KCNH5: variants seen among roughly 807,000 people sequenced by gnomAD.
KCNH5 encodes voltage-gated delayed rectifier potassium channel KCNH5.
Under a neutral mutation model 96.1 loss-of-function variants are expected in KCNH5, and 46 were observed. The ratio of observed to expected loss-of-function variants is 0.48; its 90% CI spans 0.38 to 0.61. KCNH5 has a LOEUF of 0.61. KCNH5 is among the 20% of genes least tolerant of loss of function. The pLI, the probability that KCNH5 is intolerant of heterozygous loss-of-function variation, is 0.00. For missense variants in KCNH5, 907 were observed against 1,225.8 expected (o/e 0.74, Z 3.88); for synonymous variants, 439 against 449.8 (o/e 0.98, Z 0.30).
chr14:62,914,217 C>T (rs923199000), intron 7 of KCNH5, among the ~76,000 whole-genome samples: 14 of 152,164 alleles, frequency 9.2e-5, no homozygotes, highest in African/African-American at 3.1e-4. Context: ...CTGAGTTACT[C>T]GTGGTGAGTC....
chr14:62,835,322 CA>C (rs1377572252), intron 8 of KCNH5, among the ~76,000 whole-genome samples: 1 of 151,870 alleles, frequency 6.6e-6, no homozygotes, highest in African/African-American at 2.4e-5. Flanking sequence ...AAAGTCATTA[CA>C]AATACAAACA....
chr14:63,013,926 A>G (rs1428411855), intron 2 of KCNH5, among the ~76,000 whole-genome samples: 3 of 152,166 alleles, frequency 2.0e-5, no homozygotes, highest in Non-Finnish European at 4.4e-5. Context: ...TTAAAAGAGA[A>G]TAAGGAAGTT....
At chr14:62,958,759 T>C (rs1890153474) in intron 6 of KCNH5, among the ~76,000 whole-genome samples, 1 of 152,160 alleles carries the variant, frequency 6.6e-6, no homozygotes. Flanking sequence ...CACAACTGTA[T>C]TATGAACTGC....
chr14:63,021,873 C>T (rs1481944331), intron 1 of KCNH5, among the ~76,000 whole-genome samples: 1 of 152,154 alleles, frequency 6.6e-6, no homozygotes, highest in Non-Finnish European at 1.5e-5. Context: ...AGTTTTTTTG[C>T]AGGCTCACCA....
At chr14:62,799,691 TTA>T (rs71410693) in intron 9 of KCNH5, among the ~76,000 whole-genome samples, 11,116 of 57,820 alleles carry the variant, frequency 0.19, 927 homozygotes, top group Admixed American at 0.24. Flanking sequence ...GTATATACCT[TTA>T]TATATATATA....
intron 7 of KCNH5, among the ~76,000 whole-genome samples, chr14:62,889,437 T>C (rs1027487222): frequency 2.0e-5 from 3 of 152,132 alleles, no homozygotes; most frequent in Non-Finnish European, 2.9e-5. Flanking sequence ...AAGAATATCA[T>C]GCATGACAAA....
intron 7 of KCNH5, among the ~76,000 whole-genome samples, chr14:62,933,174 G>A (rs1413957582): frequency 5.3e-5 from 8 of 152,100 alleles, no homozygotes; most frequent in African/African-American, 1.7e-4. Flanking sequence ...ACCGCCTAAT[G>A]TGAGCATGAT....
At chr14:62,986,675 T>A (rs1339549620) in intron 5 of KCNH5, among the ~76,000 whole-genome samples, 1 of 152,162 alleles carries the variant, frequency 6.6e-6, no homozygotes, top group African/African-American at 2.4e-5. Flanking sequence ...CATCTTATGA[T>A]CAGTTTCCTC....
At chr14:62,859,907 G>T (rs1888000132) in intron 7 of KCNH5, among the ~76,000 whole-genome samples, 1 of 152,196 alleles carries the variant, frequency 6.6e-6, no homozygotes, top group African/African-American at 2.4e-5. Context: ...GTGCAGGCTG[G>T]GGAAGAGAAG....
At chr14:62,803,865 T>C (rs558939930) in intron 8 of KCNH5, among the ~76,000 whole-genome samples, 2 of 152,334 alleles carry the variant, frequency 1.3e-5, no homozygotes, top group African/African-American at 4.8e-5. Flanking sequence ...GAAATGATTT[T>C]CTTTGATCGG....
At chr14:62,912,445 C>T (rs908726774) in intron 7 of KCNH5, among the ~76,000 whole-genome samples, 2 of 149,992 alleles carry the variant, frequency 1.3e-5, no homozygotes, top group South Asian at 2.1e-4. Context: ...TCGCTTTTTT[C>T]GCCCTGGATG....
chr14:62,875,861 T>G (rs2140071075), intron 7 of KCNH5, among the ~76,000 whole-genome samples: 1 of 151,842 alleles, frequency 6.6e-6, no homozygotes, highest in South Asian at 2.1e-4. Flanking sequence ...GTTGATTAGG[T>G]TTTATTGCCT....
intron 7 of KCNH5, among the ~76,000 whole-genome samples, chr14:62,914,368 G>A (rs1197437711): frequency 6.6e-6 from 1 of 152,122 alleles, no homozygotes; most frequent in East Asian, 1.9e-4. Context: ...TATCATCATA[G>A]AACTCCAATC....
At chr14:62,848,743 G>GT (rs1449681014) in intron 8 of KCNH5, among the ~76,000 whole-genome samples, 6 of 151,858 alleles carry the variant, frequency 4.0e-5, no homozygotes, top group Non-Finnish European at 7.4e-5. Context: ...AAGAAAAACC[G>GT]TAAGTCAACC....
At chr14:62,894,222 A>G (rs1888766538) in intron 7 of KCNH5, among the ~76,000 whole-genome samples, 1 of 152,232 alleles carries the variant, frequency 6.6e-6, no homozygotes. Flanking sequence ...GAGGTGGCCT[A>G]GAATTGAACC....
chr14:62,997,409 TTATC>T (rs1890926015), intron 4 of KCNH5, among the ~76,000 whole-genome samples: 1 of 152,174 alleles, frequency 6.6e-6, no homozygotes, highest in African/African-American at 2.4e-5. Context: ...CTGAGAGTTT[TTATC>T]ATGAACAAGT....
chr14:62,720,609 G>T (rs116912733), intron 10 of KCNH5, among the ~76,000 whole-genome samples: 3,321 of 152,218 alleles, frequency 0.022, 71 homozygotes, highest in Middle Eastern at 0.041. Context: ...GACTTTTTGA[G>T]TAGTTCAGGT....
chr14:63,032,847 C>T (rs1168881417), intron 1 of KCNH5, among the ~76,000 whole-genome samples: 1 of 152,154 alleles, frequency 6.6e-6, no homozygotes, highest in African/African-American at 2.4e-5. Context: ...TAGATGACAG[C>T]GATGATGCAG....
At chr14:62,717,192 G>A (rs1488193397) in intron 10 of KCNH5, among the ~76,000 whole-genome samples, 1 of 152,068 alleles carries the variant, frequency 6.6e-6, no homozygotes, top group Non-Finnish European at 1.5e-5. Context: ...AAACAATATT[G>A]CTAACATGGC....
Sources: allele counts gnomAD v4.1 joint callset (sites outside exome capture counted in the v4.1 genomes callset), GRCh38; gene constraint gnomAD v4.1.1; transcripts MANE v1.5; gene names NCBI Gene and HGNC (gene_info 2026-07-23, HGNC 2026-07-21).